The following FOXP2 variants were observed in gnomAD, a reference collection of about 807,000 sequenced individuals.
The protein encoded by FOXP2 is forkhead box P2.
FOXP2 carries 12 observed loss-of-function variants against 115.8 expected under a neutral mutation model. The observed-to-expected ratio is 0.10, with a 90% CI of 0.07 to 0.17. FOXP2 has a LOEUF of 0.17. Ranked by LOEUF, FOXP2 falls within the 10% of genes least tolerant of loss-of-function variation. The pLI is 1.00. For missense variants in FOXP2, 629 were observed against 843.5 expected (o/e 0.75, Z 3.15); for synonymous variants, 328 against 297.7 (o/e 1.10, Z -1.05).
intron 3 of FOXP2, among the ~76,000 whole-genome samples, chr7:114,535,556 T>C (rs1799345519): frequency 6.6e-6 from 1 of 151,680 alleles, no homozygotes; most frequent in Admixed American, 6.6e-5. Context: ...CAATTTTTTA[T>C]GGCCCAGCTG....
At chr7:114,482,139 T>A (rs577699858) in intron 2 of FOXP2, among the ~76,000 whole-genome samples, 50 of 151,566 alleles carry the variant, frequency 3.3e-4, no homozygotes, top group African/African-American at 1.2e-3. Flanking sequence ...TTGTCTTGTA[T>A]TTCCTACTTG....
chr7:114,515,954 G>T, intron 2 of FOXP2, among the ~76,000 whole-genome samples: 1 of 152,134 alleles, frequency 6.6e-6, no homozygotes, highest in Non-Finnish European at 1.5e-5. Flanking sequence ...TGGGTAGGAA[G>T]AATCAATATC....
intron 6 of FOXP2, among the ~76,000 whole-genome samples, chr7:114,635,915 G>T (rs1288296455): frequency 6.6e-6 from 1 of 152,098 alleles, no homozygotes; most frequent in Non-Finnish European, 1.5e-5. Context: ...ACTAATTTTT[G>T]TTAATATCAG....
chr7:114,334,394 A>T (rs970516478), intron 2 of FOXP2, among the ~76,000 whole-genome samples: 3 of 151,922 alleles, frequency 2.0e-5, no homozygotes, highest in Admixed American at 2.0e-4. Context: ...AAAAAAAAAA[A>T]ATCTGTTAAT....
At chr7:114,291,897 A>G (rs1477581556) in intron 2 of FOXP2, among the ~76,000 whole-genome samples, 3 of 142,476 alleles carry the variant, frequency 2.1e-5, no homozygotes, top group East Asian at 3.9e-4. Context: ...TATATATTAT[A>G]GATAATATAT....
rs549341750 is a variant in FOXP2 at position 114,252,467 on chromosome 7, A to C, written c.-101-35552A>C. On this transcript the variant is annotated intron_variant, in intron 1 of 17. Coordinates refer to the FOXP2 transcript ENST00000634411. ...AGCTATTAATTATTGCCTCAATTTC[A>C]GTGCCTGTTATTGGTCTATTCAGAG... Among the ~76,000 whole-genome samples the C allele has an allele frequency of 4.6e-5, 7 of 152,204 alleles. No homozygotes were observed. The East Asian group carries it at 1.2e-3, about 25-fold the overall frequency.
At chr7:114,431,983 C>T (rs1467094589) in intron 2 of FOXP2, among the ~76,000 whole-genome samples, 1 of 151,908 alleles carries the variant, frequency 6.6e-6, no homozygotes, top group Non-Finnish European at 1.5e-5. Context: ...AACTGGCTAG[C>T]TATGCTTTTA....
chr7:114,458,694 G>A (rs765106171), intron 2 of FOXP2, among the ~76,000 whole-genome samples: 3 of 151,336 alleles, frequency 2.0e-5, no homozygotes, highest in Non-Finnish European at 2.9e-5. Context: ...TCCACCACAC[G>A]CAGCTGGTTC....
At chr7:114,252,578 G>A (rs145640554) in intron 1 of FOXP2, among the ~76,000 whole-genome samples, 68 of 152,080 alleles carry the variant, frequency 4.5e-4, no homozygotes, top group Non-Finnish European at 6.3e-4. Flanking sequence ...GTTTATTTGC[G>A]TAGAGGTGTT....
At chr7:114,416,813 C>T (rs542414545) in intron 1 of FOXP2, among the ~76,000 whole-genome samples, 29 of 151,836 alleles carry the variant, frequency 1.9e-4, no homozygotes, top group Non-Finnish European at 2.9e-4. Context: ...AAAGCAGAGT[C>T]CTATACCTAA....
chr7:114,398,158 T>A (rs1444490294), intron 2 of FOXP2, among the ~76,000 whole-genome samples: 2 of 152,084 alleles, frequency 1.3e-5, no homozygotes, highest in Non-Finnish European at 2.9e-5. Context: ...GGGTTAGATT[T>A]TCAATAAGTC....
At chr7:114,132,613 G>GAGAGAC (rs1464900713) in intron 1 of FOXP2, among the ~76,000 whole-genome samples, 1 of 150,216 alleles carries the variant, frequency 6.7e-6, no homozygotes, top group Non-Finnish European at 1.5e-5. Context: ...GAGAGAGAGA[G>GAGAGAC]AGATGGGGTG....
intron 2 of FOXP2, among the ~76,000 whole-genome samples, chr7:114,516,852 T>C (rs1020018345): frequency 6.6e-6 from 1 of 151,902 alleles, no homozygotes; most frequent in Non-Finnish European, 1.5e-5. Flanking sequence ...CATGCCACCA[T>C]GGCCAGCTAA....
chr7:114,286,166 C>A (rs1279488161), intron 1 of FOXP2, among the ~76,000 whole-genome samples: 1 of 151,752 alleles, frequency 6.6e-6, no homozygotes, highest in African/African-American at 2.4e-5. Context: ...CCAGTATTTT[C>A]TTTTACTTTG....
intron 2 of FOXP2, among the ~76,000 whole-genome samples, chr7:114,495,023 GA>G (rs1414742634): frequency 6.6e-6 from 1 of 152,184 alleles, no homozygotes; most frequent in East Asian, 1.9e-4. Context: ...TTCTTTGTGA[GA>G]AGGTAGCATT....
intron 2 of FOXP2, among the ~76,000 whole-genome samples, chr7:114,407,550 T>G (rs1490680338): frequency 6.6e-6 from 1 of 152,102 alleles, no homozygotes; most frequent in African/African-American, 2.4e-5. Context: ...CTTTATGTAG[T>G]GAGAGGCACT....
chr7:114,531,280 G>A (rs557420763), intron 2 of FOXP2, among the ~76,000 whole-genome samples: 2 of 151,782 alleles, frequency 1.3e-5, no homozygotes, highest in Admixed American at 6.6e-5. Context: ...TTAATATTTT[G>A]TTTGTATTGA....
intron 2 of FOXP2, among the ~76,000 whole-genome samples, chr7:114,325,458 G>T (rs757697289): frequency 3.3e-5 from 5 of 151,798 alleles, no homozygotes; most frequent in Non-Finnish European, 7.4e-5. Context: ...TCAGAACATG[G>T]TGGGATATAT....
chr7:114,217,718 A>C (rs1471188017), intron 1 of FOXP2, among the ~76,000 whole-genome samples: 1 of 152,210 alleles, frequency 6.6e-6, no homozygotes, highest in Non-Finnish European at 1.5e-5. Context: ...CCTGCTAATT[A>C]GAGGCAGATA....
Sources: allele counts gnomAD v4.1 joint callset (sites outside exome capture counted in the v4.1 genomes callset), GRCh38; gene constraint gnomAD v4.1.1; transcripts MANE v1.5; gene names NCBI Gene and HGNC (gene_info 2026-07-23, HGNC 2026-07-21).